ELOVL2: variants seen among roughly 807,000 people sequenced by gnomAD.
ELOVL2 encodes ELOVL fatty acid elongase 2, also known as very long chain fatty acid elongase 2.
Under a neutral mutation model 37.7 loss-of-function variants are expected in ELOVL2, and 38 were observed. The ratio of observed to expected loss-of-function variants is 1.01; its 90% CI spans 0.78 to 1.32. ELOVL2 has a LOEUF of 1.32. Ranked by LOEUF, ELOVL2 falls within the 40% of genes most tolerant of loss-of-function variation. The pLI, the probability that ELOVL2 is intolerant of heterozygous loss-of-function variation, is 0.00. For synonymous variants in ELOVL2, 115 were observed against 122.3 expected (o/e 0.94, Z 0.40); for missense variants, 352 against 363.6 (o/e 0.97, Z 0.26).
At position 10,990,002 on chromosome 6, in the gene ELOVL2, A is replaced by C. The variant is rs148237641; in HGVS notation, c.631-165T>G. Among the ~76,000 whole-genome samples the C allele has an allele frequency of 7.5e-3, 1,146 of 152,320 alleles. 13 individuals carry two copies. Among genetic ancestry groups the C allele is most frequent in the African/African-American group, 0.025 (1,037 of 41,568 alleles). ...CCCCCTCATCCAGAAATCTTATTTG[A>C]AATTAGTATGTGAAATTGCCCATGA... On this transcript the variant is annotated intron_variant, in intron 6 of 7. Coordinates refer to ENST00000354666, the MANE Select transcript of ELOVL2 (RefSeq NM_017770.4).
Position 10,983,629 on chromosome 6 carries a change from A to T in ELOVL2, c.*152T>A. 1.2e-6 allele frequency: 1 copy of T among 845,204 alleles called. No homozygotes were observed. The highest frequency in any genetic ancestry group is 1.7e-6 in the Non-Finnish European group (1 of 572,044). 52.4% of individuals were successfully genotyped at this position (845,204 alleles called of 1,614,324 possible). A position where few individuals can be genotyped will look rare whatever the true frequency, so the allele number is the denominator to read the frequency against. On this transcript the variant is annotated 3_prime_UTR_variant, in exon 8 of 8. Transcript: ENST00000354666. ...AAGCATTCAGTTAACAGATTAACCT[A>T]ATAGCAATATATTAATACATTCTGG...
intron 1 of ELOVL2, among the ~76,000 whole-genome samples, chr6:11,018,546 A>C (rs1301833161): frequency 1.3e-5 from 2 of 152,182 alleles, no homozygotes; most frequent in East Asian, 3.8e-4. Flanking sequence ...CTTAAACTTT[A>C]ATGTTCGTAA....
chr6:11,042,619 A>G (rs1411263423), intron 1 of ELOVL2, among the ~76,000 whole-genome samples: 7 of 151,888 alleles, frequency 4.6e-5, no homozygotes, highest in Admixed American at 1.3e-4. Flanking sequence ...TGCTTTGTCC[A>G]CTCTGATGCC....
At chr6:11,021,881 A>C (rs1435082322) in intron 1 of ELOVL2, among the ~76,000 whole-genome samples, 1 of 152,162 alleles carries the variant, frequency 6.6e-6, no homozygotes, top group Non-Finnish European at 1.5e-5. Context: ...TTTGTGCGAG[A>C]ACCTGAGCTA....
chr6:11,005,599 T>C, intron 2 of ELOVL2, 40 bp from the exon 3 acceptor site: 1 of 1,552,096 alleles, frequency 6.4e-7, no homozygotes, highest in South Asian at 1.2e-5. Flanking sequence ...TGAGGAATGA[T>C]GCTCCTGTTT....
intron 2 of ELOVL2, among the ~76,000 whole-genome samples, chr6:11,010,023 CTTT>C (rs150370092): frequency 9.0e-5 from 12 of 133,006 alleles, no homozygotes; most frequent in Admixed American, 1.6e-4. Context: ...GCGCACACAT[CTTT>C]TTTTTTTTTT....
chr6:11,023,405 G>GA (rs1255810954), intron 1 of ELOVL2, among the ~76,000 whole-genome samples: 1 of 152,042 alleles, frequency 6.6e-6, no homozygotes, highest in African/African-American at 2.4e-5. Flanking sequence ...TGACTTCTTG[G>GA]AAAAAATATG....
rs937757605 is a variant in ELOVL2, at chr6:10,982,796, G to C, written c.*985C>G. ...GTGAAGAGTGACAACAGGTATCTGA[G>C]GTAATATTCACAAGTAGGCTCACAA... On this transcript the variant is annotated 3_prime_UTR_variant, in exon 8 of 8. Coordinates refer to ENST00000354666, the MANE Select transcript of ELOVL2 (RefSeq NM_017770.4). The C allele has an allele frequency of 6.6e-6, 1 of 152,158 alleles. No individual in the cohort carries two copies. Among genetic ancestry groups the C allele is most frequent in the Admixed American group, 6.5e-5 (1 of 15,274 alleles). The allele number at this position is 152,158 out of a possible 1,614,324, so 9.4% of individuals were successfully genotyped here.
At chr6:10,991,435 G>A (rs1057159463) in intron 5 of ELOVL2, among the ~76,000 whole-genome samples, 2 of 35,144 alleles carry the variant, frequency 5.7e-5, no homozygotes, top group African/African-American at 1.6e-4. Context: ...TTGATTTGAC[G>A]TAAATTTTTA....
intron 1 of ELOVL2, among the ~76,000 whole-genome samples, chr6:11,038,396 G>A (rs965390540): frequency 9.2e-5 from 14 of 152,056 alleles, no homozygotes; most frequent in Admixed American, 7.9e-4. Context: ...CAGGAGAATC[G>A]CTTGAACCCT....
At chr6:11,041,186 C>A (rs541635528) in intron 1 of ELOVL2, among the ~76,000 whole-genome samples, 32 of 152,278 alleles carry the variant, frequency 2.1e-4, no homozygotes, top group Non-Finnish European at 3.4e-4. Flanking sequence ...CCCAGAAATG[C>A]AAACCTGTCA....
intron 3 of ELOVL2, among the ~76,000 whole-genome samples, chr6:11,003,907 C>T (rs558938122): frequency 5.3e-5 from 8 of 151,894 alleles, no homozygotes; most frequent in Non-Finnish European, 1.2e-4. Context: ...CATGGTGAAT[C>T]CCCATCTCTA....
At chr6:11,005,659 G>A in intron 2 of ELOVL2, 100 bp from the exon 3 acceptor site, 1 of 983,852 alleles carries the variant, frequency 1.0e-6, no homozygotes, top group Non-Finnish European at 1.5e-6. Flanking sequence ...CAGCACAACA[G>A]GGAACAACTC....
chr6:11,006,291 C>T (rs950405441), intron 2 of ELOVL2, among the ~76,000 whole-genome samples: 1 of 152,192 alleles, frequency 6.6e-6, no homozygotes, highest in East Asian at 1.9e-4. Flanking sequence ...GGGAGGCAAG[C>T]AGCTGAATAC....
intron 7 of ELOVL2, among the ~76,000 whole-genome samples, chr6:10,986,763 G>A (rs1782060115): frequency 6.6e-6 from 1 of 152,062 alleles, no homozygotes; most frequent in Admixed American, 6.5e-5. Context: ...GTATTTTATT[G>A]AGGATTTTTG....
intron 5 of ELOVL2, 111 bp downstream of exon 5, chr6:10,994,896 C>CA (rs1335559645): frequency 4.6e-6 from 4 of 869,222 alleles, no homozygotes; most frequent in Non-Finnish European, 6.8e-6. Context: ...GGCCGGCGCT[C>CA]TAGGCCTCCC....
chr6:11,004,241 A>G (rs1782441704), intron 3 of ELOVL2, among the ~76,000 whole-genome samples: 1 of 152,170 alleles, frequency 6.6e-6, no homozygotes, highest in African/African-American at 2.4e-5. Context: ...AATGCATAGA[A>G]TAAACTCTCA....
chr6:11,044,265 G>C lies in ELOVL2; in HGVS notation c.-35C>G. ...CGGCTGTGGCGCGGCGACCCGGGCG[G>C]GCGGCGATGCGCTGTCCAGGGTAGC... is the stretch of plus-strand genomic sequence containing the variant. On this transcript the variant is annotated 5_prime_UTR_variant, in exon 1 of 8. Transcript: ENST00000354666. The surrounding 1 kb of genome is among the most constrained non-coding windows in gnomAD (Gnocchi z 5.6). The C allele has an allele frequency of 7.6e-7, 1 of 1,323,720 alleles. No homozygotes were observed. The highest frequency in any genetic ancestry group is 9.6e-7 in the Non-Finnish European group (1 of 1,039,264). The allele number at this position is 1,323,720 out of a possible 1,614,324, so 82.0% of individuals were successfully genotyped here. A position where few individuals can be genotyped will look rare whatever the true frequency, so the allele number is the denominator to read the frequency against.
intron 1 of ELOVL2, among the ~76,000 whole-genome samples, chr6:11,028,478 C>T (rs1266774370): frequency 1.3e-5 from 2 of 152,022 alleles, no homozygotes; most frequent in Non-Finnish European, 2.9e-5. Flanking sequence ...ATATTGCCTC[C>T]AAGTGGAAGA....
Sources: gnomAD v4.1 joint callset for allele counts (sites outside exome capture counted in the v4.1 genomes callset) on GRCh38, gnomAD v4.1.1 for gene constraint, Gnocchi (gnomAD v3.1) non-coding constraint, MANE v1.5 for transcripts, NCBI Gene and HGNC (gene_info 2026-07-23, HGNC 2026-07-21) for gene names.